The following SYNE2 variants were observed in gnomAD, a reference collection of about 807,000 sequenced individuals.
SYNE2 encodes nesprin-2.
SYNE2 carries 431 observed loss-of-function variants against 856.3 expected under a neutral mutation model. That is an observed-to-expected ratio of 0.50 (90% CI 0.47 to 0.55). The LOEUF (loss-of-function observed/expected upper bound fraction) is 0.55, where lower values mean the gene tolerates loss of function less well. Ranked by LOEUF, SYNE2 falls within the 20% of genes least tolerant of loss-of-function variation. The pLI is 0.00. For synonymous variants in SYNE2, 2,923 were observed against 2,872.3 expected (o/e 1.02, Z -0.56); for missense variants, 8,129 against 8,023.2 (o/e 1.01, Z -0.50).
intron 8 of SYNE2, 103 bp downstream of exon 8, chr14:63,955,018 A>G: frequency 1.1e-6 from 1 of 951,028 alleles, no homozygotes; most frequent in Non-Finnish European, 1.6e-6. Context: ...ACTCTATTTT[A>G]GTCCTGGAGG....
chr14:64,087,593 T>C, intron 57 of SYNE2, 78 bp from the exon 58 acceptor site: 1 of 1,472,402 alleles, frequency 6.8e-7, no homozygotes, highest in South Asian at 1.1e-5. Flanking sequence ...CTTTCAATTT[T>C]CTCTGATTTA....
Position 64,209,468 on chromosome 14 carries a change from G to A in SYNE2, c.18430G>A (p.Asp6144Asn), listed in dbSNP as rs750318973. The A allele has an allele frequency of 3.1e-6, 5 of 1,614,218 alleles. No individual in the cohort carries two copies. Among genetic ancestry groups the A allele is most frequent in the South Asian group, 2.2e-5 (2 of 91,076 alleles). The change falls in exon 102 of 116, where the codon GAC becomes AAC. Residue 6144 changes from aspartate to asparagine, a missense_variant. Physicochemically the swap from Asp to Asn is conservative, Grantham distance 23. Coordinates refer to ENST00000555002, the MANE Select transcript of SYNE2 (RefSeq NM_182914.3). ...TWRLWQKFLD[D>N]YSRFEDWLKS... The stretch of plus-strand genomic sequence containing the variant: ...GCGCCTGTGGCAGAAGTTTTTAGAC[G>A]ACTATTCTCGCTTTGAGGACTGGCT...
chr14:63,867,857 A>G lies in SYNE2; in HGVS notation c.-52+14714A>G, dbSNP rs1260305861. Among the ~76,000 whole-genome samples, 4 of 152,158 alleles carry G rather than the reference A, an allele frequency of 2.6e-5. No homozygotes were observed. The East Asian group carries it at 7.7e-4, about 29-fold the overall frequency. ...AGGATCACTTAAATCTGGGAGTTCA[A>G]AACCCACCTGGACAATATAGCAAGA... On this transcript the variant is annotated intron_variant, in intron 1 of 115. Transcript: ENST00000555002.
chr14:63,969,666 ACT>A (rs2096449563), intron 11 of SYNE2, among the ~76,000 whole-genome samples: 1 of 151,708 alleles, frequency 6.6e-6, no homozygotes, highest in Non-Finnish European at 1.5e-5. Context: ...GCTGAATAGT[ACT>A]CCATTGTGTA....
chr14:64,053,552 GAAAC>G lies in SYNE2; in HGVS notation c.9643_9646del (p.Gln3215GlufsTer36), dbSNP rs2097243698. Reference sequence around the variant, plus strand: ...GTATTAAAGCTGTGACTGCTATTGAGAAACAAAGAGAAGAAAACTCTTCTGAAGC... The same window carrying G: ...GTATTAAAGCTGTGACTGCTATTGAGAAAGAGAAGAAAACTCTTCTGAAGC... On this transcript the variant is annotated frameshift_variant, in exon 48 of 116. Coordinates refer to ENST00000555002, the MANE Select transcript of SYNE2 (RefSeq NM_182914.3). LOFTEE classifies it high-confidence loss of function. The G allele has an allele frequency of 1.2e-6, 2 of 1,614,110 alleles. No homozygotes were observed. The highest frequency in any genetic ancestry group is 1.7e-6 in the Non-Finnish European group (2 of 1,180,046).
intron 64 of SYNE2, among the ~76,000 whole-genome samples, chr14:64,103,344 C>T (rs918280217): frequency 6.8e-5 from 10 of 146,764 alleles, no homozygotes; most frequent in Non-Finnish European, 1.3e-4. Context: ...TGGAGGGTCT[C>T]TCCATAATCT....
intron 32 of SYNE2, among the ~76,000 whole-genome samples, chr14:64,013,679 G>A (rs1294642655): frequency 2.0e-5 from 3 of 152,204 alleles, no homozygotes; most frequent in Non-Finnish European, 4.4e-5. Flanking sequence ...TGAACCAGGA[G>A]AACGAAGACC....
chr14:64,021,509 A>G lies in SYNE2; in HGVS notation c.5346A>G (p.Lys1782=), dbSNP rs1460954577. 3 of 1,614,022 alleles carry G rather than the reference A, an allele frequency of 1.9e-6. No homozygotes were observed. The highest frequency in any genetic ancestry group is 1.7e-5 in the Admixed American group (1 of 60,018). Residue 1782 remains lysine, a synonymous_variant, in exon 36 of 116, where the codon AAA becomes AAG. Coordinates refer to ENST00000555002, the MANE Select transcript of SYNE2 (RefSeq NM_182914.3). ...SPSDSLEIFT[K]LEEIQQQILQ... ...CTGACAGCTTGGAGATCTTCACTAA[A>G]CTAGAGGTGCTACCGAGCTGCTTGT... is the stretch of plus-strand genomic sequence containing the variant.
intron 8 of SYNE2, among the ~76,000 whole-genome samples, chr14:63,959,869 G>T (rs1195438596): frequency 6.6e-6 from 1 of 150,788 alleles, no homozygotes; most frequent in Non-Finnish European, 1.5e-5. Flanking sequence ...CTCCATTTTT[G>T]TATGTACAAA....
upstream of SYNE2, among the ~76,000 whole-genome samples, chr14:63,850,245 C>CT (rs34763098): frequency 0.033 from 3,759 of 112,470 alleles, 184 homozygotes; most frequent in East Asian, 0.22. Context: ...CCACACCTAG[C>CT]TTTTTTTTTT....
At chr14:63,938,928 A>T (rs994487412) in intron 2 of SYNE2, among the ~76,000 whole-genome samples, 15 of 146,080 alleles carry the variant, frequency 1.0e-4, no homozygotes, top group African/African-American at 3.9e-4. Context: ...TCTAGAGTGC[A>T]TGTGCGTGTG....
chr14:64,024,568 A>C, intron 39 of SYNE2, 109 bp downstream of exon 39: 1 of 1,069,516 alleles, frequency 9.4e-7, no homozygotes, highest in East Asian at 2.6e-5. Flanking sequence ...CAAATTTCAC[A>C]CACAAAAGGC....
At position 63,974,886 on chromosome 14, in the gene SYNE2, GTGTGTGTATATATATATATATA is replaced by G. The variant is rs2096526013; in HGVS notation, c.1129-1675_1129-1654del. Among the ~76,000 whole-genome samples, 17 of 26,292 alleles carry G rather than the reference GTGTGTGTATATATATATATATA, an allele frequency of 6.5e-4. No homozygotes were observed. In the South Asian group the frequency reaches 0.035, roughly 55 times the overall value. 17.2% of individuals were successfully genotyped at this position (26,292 alleles called of 152,430 possible). A position where few individuals can be genotyped will look rare whatever the true frequency, so the allele number is the denominator to read the frequency against. On this transcript the variant is annotated intron_variant, in intron 11 of 115. Transcript: ENST00000555002. ...TGTGTGTGTGTGTGTGTGTGTGTGT[GTGTGTGTATATATATATATATA>G]TATATATATGTATCTTGAGACAGGG...
At chr14:64,038,484 G>C (rs1472165928) in intron 45 of SYNE2, among the ~76,000 whole-genome samples, 2 of 152,252 alleles carry the variant, frequency 1.3e-5, no homozygotes, top group East Asian at 3.8e-4. Context: ...GGGAGGCCAA[G>C]GCAGGCGGCT....
chr14:64,138,780 A>G (rs61987283), intron 79 of SYNE2, among the ~76,000 whole-genome samples: 3,481 of 152,254 alleles, frequency 0.023, 49 homozygotes, highest in African/African-American at 0.038. Context: ...TCATCCCTGC[A>G]TCTTAATCTA....
At chr14:63,867,709 A>C (rs1485579946) in intron 1 of SYNE2, among the ~76,000 whole-genome samples, 1 of 135,654 alleles carries the variant, frequency 7.4e-6, no homozygotes, top group African/African-American at 2.5e-5. Flanking sequence ...AAAAAAGAAT[A>C]AAAAGAATAA....
intron 97 of SYNE2, among the ~76,000 whole-genome samples, chr14:64,187,760 T>A (rs1479700149): frequency 2.0e-5 from 3 of 152,254 alleles, no homozygotes; most frequent in Non-Finnish European, 4.4e-5. Context: ...TAGCCACCCC[T>A]TTTAACGCTA....
intron 11 of SYNE2, among the ~76,000 whole-genome samples, chr14:63,974,488 G>T (rs1357222383): frequency 6.6e-6 from 1 of 151,952 alleles, no homozygotes; most frequent in Non-Finnish European, 1.5e-5. Context: ...CCCGATACTG[G>T]GTATCAAACT....
chr14:63,775,567 T>C (rs546984921), intron 1 of SYNE2, among the ~76,000 whole-genome samples: 1 of 152,226 alleles, frequency 6.6e-6, no homozygotes, highest in South Asian at 2.1e-4. Context: ...TGAGCCACTA[T>C]GCCAGACCTA....
Sources: gnomAD v4.1 joint callset for allele counts (sites outside exome capture counted in the v4.1 genomes callset) on GRCh38, gnomAD v4.1.1 for gene constraint, MANE v1.5 for transcripts, NCBI Gene and HGNC (gene_info 2026-07-23, HGNC 2026-07-21) for gene names.